BLTP1: variants seen among roughly 807,000 people sequenced by gnomAD.
BLTP1 encodes bridge-like lipid transfer protein family member 1.
At chr4:122,277,839 A>G in the BLTP1 span, 8 of 576,984 alleles carry the variant, frequency 1.4e-5, no homozygotes, top group African/African-American at 1.2e-4. Context: ...TAATGTCTGT[A>G]TAGTGGTTGT....
At chr4:122,244,003 C>A in the BLTP1 span, 1 of 1,597,506 alleles carries the variant, frequency 6.3e-7, no homozygotes, top group Non-Finnish European at 8.5e-7. Flanking sequence ...GTTTTGACTC[C>A]CCTGGTGGCT....
chr4:122,254,461 T>C, the BLTP1 span: 1 of 1,286,208 alleles, frequency 7.8e-7, no homozygotes, highest in Non-Finnish European at 1.0e-6. Context: ...GTATTAAGGT[T>C]GCAACTTTTT....
At chr4:122,169,025 G>A in the BLTP1 span, among the ~76,000 whole-genome samples, 32 of 152,058 alleles carry the variant, frequency 2.1e-4, no homozygotes, top group Admixed American at 1.9e-3. Context: ...ATAGCTCACC[G>A]TAACCTTGAA....
At chr4:122,314,954 A>C in the BLTP1 span, among the ~76,000 whole-genome samples, 1 of 152,140 alleles carries the variant, frequency 6.6e-6, no homozygotes, top group African/African-American at 2.4e-5. Flanking sequence ...GACTCTTTGT[A>C]GCTCTTGTCT....
the BLTP1 span, among the ~76,000 whole-genome samples, chr4:122,177,336 C>T: frequency 8.5e-5 from 13 of 152,170 alleles, no homozygotes; most frequent in Admixed American, 4.6e-4. Context: ...CCCAAGTCGC[C>T]ATCATCTTCC....
the BLTP1 span, among the ~76,000 whole-genome samples, chr4:122,245,397 AG>A: frequency 6.6e-6 from 1 of 152,274 alleles, no homozygotes; most frequent in South Asian, 2.1e-4. Context: ...CTTAGTTCCA[AG>A]CCTTTTCTAA....
At chr4:122,303,658 T>C in the BLTP1 span, among the ~76,000 whole-genome samples, 1 of 152,258 alleles carries the variant, frequency 6.6e-6, no homozygotes, top group South Asian at 2.1e-4. Flanking sequence ...ATGGATTACT[T>C]TGAGGGACTC....
At chr4:122,161,481 T>C in the BLTP1 span, among the ~76,000 whole-genome samples, 1 of 151,444 alleles carries the variant, frequency 6.6e-6, no homozygotes, top group East Asian at 1.9e-4. Context: ...CCCAGGCTGG[T>C]ATGCAGTGGT....
the BLTP1 span, chr4:122,235,625 G>GA: frequency 4.6e-6 from 1 of 215,458 alleles, no homozygotes; most frequent in Non-Finnish European, 7.9e-6. Context: ...CTAACGTGGT[G>GA]AAACCCCATC....
At chr4:122,315,481 C>T in the BLTP1 span, 4 of 1,614,014 alleles carry the variant, frequency 2.5e-6, no homozygotes, top group Non-Finnish European at 3.4e-6. Flanking sequence ...GTGCTGGAAC[C>T]TGGACACTCA....
chr4:122,280,305 A>G, the BLTP1 span: 1 of 461,610 alleles, frequency 2.2e-6, no homozygotes, highest in Non-Finnish European at 2.8e-6. Flanking sequence ...ATCCTTGTTT[A>G]CTTTGAATTC....
chr4:122,344,049 T>C, the BLTP1 span: 1 of 945,916 alleles, frequency 1.1e-6, no homozygotes, highest in Non-Finnish European at 1.3e-6. Flanking sequence ...GAAGAGCAGA[T>C]AAAACACTGC....
chr4:122,356,775 TC>T, the BLTP1 span: 1 of 1,599,258 alleles, frequency 6.3e-7, no homozygotes, highest in Non-Finnish European at 8.5e-7. Context: ...ATACTCTTTT[TC>T]TTTTAGGCTG....
chr4:122,224,833 T>C, the BLTP1 span: 59 of 1,537,258 alleles, frequency 3.8e-5, no homozygotes, highest in Non-Finnish European at 4.8e-5. Flanking sequence ...ATTTTAGTTA[T>C]AGGTGAATCA....
At chr4:122,194,923 AAAG>A in the BLTP1 span, among the ~76,000 whole-genome samples, 1 of 152,202 alleles carries the variant, frequency 6.6e-6, no homozygotes, top group Admixed American at 6.5e-5. Context: ...AAGAAAAAAA[AAAG>A]AAATCTATTT....
chr4:122,348,629 AC>A, the BLTP1 span: 1 of 1,611,880 alleles, frequency 6.2e-7, no homozygotes, highest in Non-Finnish European at 8.5e-7. Context: ...CCAACAAGGG[AC>A]CCCATGGGAA....
chr4:122,240,753 G>A, the BLTP1 span, among the ~76,000 whole-genome samples: 28 of 152,162 alleles, frequency 1.8e-4, no homozygotes, highest in African/African-American at 6.0e-4. Context: ...CTTGACATTT[G>A]AGTTCTTATA....
At chr4:122,243,834 T>A in the BLTP1 span, 1 of 1,458,426 alleles carries the variant, frequency 6.9e-7, no homozygotes, top group Non-Finnish European at 9.1e-7. Context: ...AATATACAAT[T>A]TGCTTGTTAA....
At chr4:122,303,614 A>G in the BLTP1 span, among the ~76,000 whole-genome samples, 2 of 152,196 alleles carry the variant, frequency 1.3e-5, no homozygotes, top group Non-Finnish European at 2.9e-5. Flanking sequence ...TATCAACATT[A>G]CTAGGACTTT....
Sources: gnomAD v4.1 joint callset for allele counts (sites outside exome capture counted in the v4.1 genomes callset) on GRCh38, gnomAD v4.1.1 for gene constraint, MANE v1.5 for transcripts, NCBI Gene and HGNC (gene_info 2026-07-23, HGNC 2026-07-21) for gene names.